Variants in EYS observed in about 807,000 individuals in gnomAD.
EYS encodes EGF-like photoreceptor maintenance factor, also known as protein eyes shut homolog.
EYS carries 250 observed loss-of-function variants against 282.1 expected under a neutral mutation model. The ratio of observed to expected loss-of-function variants is 0.89; its 90% CI spans 0.80 to 0.98. The LOEUF (loss-of-function observed/expected upper bound fraction) is 0.98, where lower values mean the gene tolerates loss of function less well. Among genes scored for constraint, EYS ranks in the 50% least tolerant of loss-of-function variants. EYS has a pLI of 0.00. For missense variants in EYS, 4,016 were observed against 3,709.0 expected, an observed-to-expected ratio of 1.08 and a Z score of -2.15; for synonymous variants, 1,355 against 1,282.9, an observed-to-expected ratio of 1.06 and a Z score of -1.20.
intron 12 of EYS, among the ~76,000 whole-genome samples, chr6:65,271,623 C>T (rs755416039): frequency 2.0e-5 from 3 of 152,020 alleles, no homozygotes; most frequent in African/African-American, 4.8e-5. Flanking sequence ...TGCTCTGTCA[C>T]TCAGGCTGTA....
At chr6:64,871,339 A>T (rs1036852601) in intron 19 of EYS, among the ~76,000 whole-genome samples, 1 of 151,492 alleles carries the variant, frequency 6.6e-6, no homozygotes, top group Non-Finnish European at 1.5e-5. Context: ...AAAAAAAAAA[A>T]TCTTGTTTTG....
chr6:64,532,256 C>T (rs1251911528), intron 26 of EYS, among the ~76,000 whole-genome samples: 2 of 152,170 alleles, frequency 1.3e-5, no homozygotes, highest in Non-Finnish European at 2.9e-5. Context: ...TAATCTTGCT[C>T]AGATCCCAAG....
At chr6:64,449,260 T>C (rs912144230) in intron 26 of EYS, among the ~76,000 whole-genome samples, 3 of 151,906 alleles carry the variant, frequency 2.0e-5, no homozygotes, top group Admixed American at 6.6e-5. Flanking sequence ...GTATCAGCGA[T>C]GGAAGACGAA....
chr6:64,899,784 G>A (rs938080125), intron 18 of EYS, among the ~76,000 whole-genome samples: 8 of 152,068 alleles, frequency 5.3e-5, no homozygotes, highest in Admixed American at 2.6e-4. Context: ...AATCAATATT[G>A]TGAAAATGGC....
intron 36 of EYS, among the ~76,000 whole-genome samples, chr6:63,816,041 C>CA (rs1223310000): frequency 6.6e-6 from 1 of 152,014 alleles, no homozygotes; most frequent in Admixed American, 6.6e-5. Context: ...TGGCATCTTG[C>CA]AAAATACTAA....
intron 36 of EYS, among the ~76,000 whole-genome samples, chr6:63,818,253 T>A (rs1045394319): frequency 9.9e-5 from 15 of 152,190 alleles, no homozygotes; most frequent in South Asian, 2.1e-4. Flanking sequence ...TAATACAGTA[T>A]ATAACAACTG....
Position 64,353,693 on chromosome 6 carries a change from T to C in EYS, c.6078+34997A>G, listed in dbSNP as rs150355970. Among the ~76,000 whole-genome samples the C allele has an allele frequency of 1.4e-3, 213 of 151,802 alleles. 1 individual carries two copies. Among genetic ancestry groups the C allele is most frequent in the Non-Finnish European group, 1.3e-3 (86 of 67,738 alleles). On this transcript the variant is annotated intron_variant, in intron 29 of 42. Coordinates refer to ENST00000503581, the MANE Select transcript of EYS (RefSeq NM_001142800.2). ...AACTTACTAGAATTGCTTTGATCAG[T>C]TTCTTTCCTGAGAACAAGAACTGAT...
intron 41 of EYS, among the ~76,000 whole-genome samples, chr6:63,756,538 T>C (rs1053969072): frequency 6.6e-6 from 1 of 152,168 alleles, no homozygotes. Flanking sequence ...CAGTATTTTA[T>C]TGAGGATTTT....
chr6:63,961,826 C>T (rs1334842895), intron 35 of EYS, among the ~76,000 whole-genome samples: 1 of 152,056 alleles, frequency 6.6e-6, no homozygotes, highest in Non-Finnish European at 1.5e-5. Context: ...GATGGTACAC[C>T]AACATTCAGA....
intron 12 of EYS, among the ~76,000 whole-genome samples, chr6:65,128,847 G>C (rs1344431629): frequency 1.3e-5 from 2 of 151,896 alleles, no homozygotes; most frequent in African/African-American, 2.4e-5. Context: ...AGAAGAGCCT[G>C]AATGGCCCAA....
At chr6:64,406,070 T>A (rs1036345051) in intron 28 of EYS, among the ~76,000 whole-genome samples, 1 of 152,034 alleles carries the variant, frequency 6.6e-6, no homozygotes, top group South Asian at 2.1e-4. Flanking sequence ...TACTACAAGT[T>A]CACAGTAACC....
chr6:64,307,973 GA>G (rs1241230800), intron 29 of EYS, among the ~76,000 whole-genome samples: 1 of 151,852 alleles, frequency 6.6e-6, no homozygotes, highest in Non-Finnish European at 1.5e-5. Flanking sequence ...AATACTTAAA[GA>G]AAAAATTACA....
intron 35 of EYS, among the ~76,000 whole-genome samples, chr6:63,935,728 CT>C (rs922733470): frequency 6.6e-6 from 1 of 152,178 alleles, no homozygotes; most frequent in African/African-American, 2.4e-5. Context: ...AAAGAAATTT[CT>C]GTTGTTTAAG....
At chr6:64,065,395 C>T (rs988750073) in intron 33 of EYS, among the ~76,000 whole-genome samples, 2 of 152,096 alleles carry the variant, frequency 1.3e-5, no homozygotes, top group African/African-American at 4.8e-5. Flanking sequence ...AAAATTTGAG[C>T]TATACTGATG....
chr6:64,643,708 A>C (rs1768252402), intron 22 of EYS, among the ~76,000 whole-genome samples: 1 of 152,166 alleles, frequency 6.6e-6, no homozygotes, highest in Non-Finnish European at 1.5e-5. Context: ...CTGCTTTCTC[A>C]TGATAGTGAA....
chr6:65,152,367 G>T (rs1764633613), intron 12 of EYS, among the ~76,000 whole-genome samples: 1 of 151,838 alleles, frequency 6.6e-6, no homozygotes, highest in Admixed American at 6.6e-5. Context: ...CTCAAAATGT[G>T]ACTTTATTTG....
intron 8 of EYS, among the ~76,000 whole-genome samples, chr6:65,357,127 T>C (rs1323753163): frequency 6.6e-6 from 1 of 151,956 alleles, no homozygotes; most frequent in Non-Finnish European, 1.5e-5. Context: ...TTCACTTTCA[T>C]CATGTTGTTG....
At chr6:64,166,832 T>C (rs1764304219) in intron 31 of EYS, among the ~76,000 whole-genome samples, 1 of 152,246 alleles carries the variant, frequency 6.6e-6, no homozygotes, top group Non-Finnish European at 1.5e-5. Context: ...AGCTTGCTAA[T>C]GATAATGTAT....
intron 2 of EYS, among the ~76,000 whole-genome samples, chr6:65,561,800 G>C (rs994686015): frequency 6.6e-6 from 1 of 151,804 alleles, no homozygotes; most frequent in African/African-American, 2.4e-5. Flanking sequence ...AATCTTTTAA[G>C]ATACATGTTA....
Sources: gnomAD v4.1 joint callset for allele counts (sites outside exome capture counted in the v4.1 genomes callset) on GRCh38, gnomAD v4.1.1 for gene constraint, MANE v1.5 for transcripts, NCBI Gene and HGNC (gene_info 2026-07-23, HGNC 2026-07-21) for gene names.